VWA8: variants seen among roughly 807,000 people sequenced by gnomAD.
VWA8 encodes the protein von Willebrand factor A domain-containing protein 8.
Under a neutral mutation model 241.5 loss-of-function variants are expected in VWA8, and 221 were observed. That is an observed-to-expected ratio of 0.91 (90% confidence interval 0.82 to 1.02). VWA8 has a LOEUF of 1.02. Among genes scored for constraint, VWA8 ranks in the 50% least tolerant of loss-of-function variants. VWA8 has a pLI of 0.00. For synonymous variants in VWA8, 852 were observed against 827.1 expected (o/e 1.03, Z -0.52); for missense variants, 2,322 against 2,328.7 (o/e 1.00, Z 0.06).
intron 18 of VWA8, among the ~76,000 whole-genome samples, chr13:41,784,761 T>TATATAC (rs1168034186): frequency 1.3e-5 from 1 of 78,510 alleles, no homozygotes. Flanking sequence ...TATATATATA[T>TATATAC]ACACACACAC....
At chr13:41,946,859 G>C (rs1877873277) in intron 2 of VWA8, among the ~76,000 whole-genome samples, 1 of 152,104 alleles carries the variant, frequency 6.6e-6, no homozygotes. Flanking sequence ...GTACTTCCTT[G>C]TAAAATCCAG....
chr13:41,624,782 C>T (rs534620903), intron 37 of VWA8, among the ~76,000 whole-genome samples: 1 of 152,298 alleles, frequency 6.6e-6, no homozygotes, highest in East Asian at 1.9e-4. Context: ...GATGCCCTCT[C>T]ATTACTCCCA....
rs796849369 is a variant in VWA8 at position 41,734,336 on chromosome 13, T to TA, written c.2427-2182dup. ...CTGGGTGACAGAGCGAGACTCCGTC[T>TA]AAAAAAAAACAAATGGTGCATTCTA... On this transcript the variant is annotated intron_variant, in intron 21 of 44. Coordinates refer to ENST00000379310, the MANE Select transcript of VWA8 (RefSeq NM_015058.2). Among the ~76,000 whole-genome samples, 22 of 150,756 alleles carry TA rather than the reference T, an allele frequency of 1.5e-4. No individual in the cohort carries two copies. In the South Asian group the frequency reaches 2.7e-3, roughly 19 times the overall value.
chr13:41,633,961 T>C (rs1469499176), intron 37 of VWA8, among the ~76,000 whole-genome samples: 2 of 152,162 alleles, frequency 1.3e-5, no homozygotes, highest in Admixed American at 6.6e-5. Context: ...TGGCTCCCTC[T>C]TTCTCCCTAT....
chr13:41,856,734 G>A (rs1352668645), intron 12 of VWA8, among the ~76,000 whole-genome samples: 1 of 152,018 alleles, frequency 6.6e-6, no homozygotes. Context: ...TGAGGTGGGA[G>A]GATGGTTTGA....
chr13:41,573,557 T>A (rs918488952), intron 43 of VWA8, among the ~76,000 whole-genome samples: 10 of 144,354 alleles, frequency 6.9e-5, no homozygotes. Flanking sequence ...ATAAAATATA[T>A]ACACGTATAT....
intron 37 of VWA8, among the ~76,000 whole-genome samples, chr13:41,618,902 T>C (rs894657474): frequency 3.9e-5 from 6 of 152,234 alleles, no homozygotes; most frequent in African/African-American, 1.2e-4. Context: ...TGAAGTAAGG[T>C]AGCGTGATGC....
intron 2 of VWA8, among the ~76,000 whole-genome samples, chr13:41,919,572 C>T (rs192568201): frequency 3.6e-4 from 55 of 152,208 alleles, no homozygotes; most frequent in African/African-American, 1.3e-3. Flanking sequence ...TACCTGGTAG[C>T]CCCCAATCCC....
intron 14 of VWA8, among the ~76,000 whole-genome samples, chr13:41,825,854 T>C (rs1022606978): frequency 1.3e-5 from 2 of 152,216 alleles, no homozygotes; most frequent in South Asian, 2.1e-4. Context: ...GTATTAGCTA[T>C]GACCAGCATA....
chr13:41,638,155 C>A (rs1173353380), intron 37 of VWA8, among the ~76,000 whole-genome samples: 1 of 152,200 alleles, frequency 6.6e-6, no homozygotes, highest in African/African-American at 2.4e-5. Context: ...GAGTTGCATG[C>A]AGACATAACC....
chr13:41,706,946 A>T (rs573850396), intron 26 of VWA8, among the ~76,000 whole-genome samples: 1 of 152,346 alleles, frequency 6.6e-6, no homozygotes, highest in Non-Finnish European at 1.5e-5. Flanking sequence ...TTTATCTGCA[A>T]TGTCATTCAT....
rs185670122 is a variant in VWA8 at position 41,930,056 on chromosome 13, T to A, written c.242-17888A>T. Reference sequence around the variant, plus strand: ...TCAATAGTAGAAAAACAACCCAATTTAAAAATGGGCAAAGGATTTGAATTC... The same window carrying A: ...TCAATAGTAGAAAAACAACCCAATTAAAAAATGGGCAAAGGATTTGAATTC... On this transcript the variant is annotated intron_variant, in intron 2 of 44. Transcript: ENST00000379310. 1.4e-3 allele frequency among the ~76,000 whole-genome samples: 207 copies of A among 152,232 alleles called. 1 individual carries two copies. The highest frequency in any genetic ancestry group is 4.9e-3 in the African/African-American group (204 of 41,538).
At chr13:41,744,811 CT>C (rs1679288223) in intron 21 of VWA8, among the ~76,000 whole-genome samples, 1 of 151,878 alleles carries the variant, frequency 6.6e-6, no homozygotes, top group African/African-American at 2.4e-5. Context: ...CTAATACTGA[CT>C]TGTTTAATTT....
intron 1 of VWA8, among the ~76,000 whole-genome samples, chr13:41,960,178 AAGCATGTGATTCT>A (rs1878545127): frequency 6.6e-6 from 1 of 152,242 alleles, no homozygotes; most frequent in Non-Finnish European, 1.5e-5. Flanking sequence ...TTAGAAATCA[AAGCATGTGATTCT>A]AGCATAGTAA....
intron 17 of VWA8, chr13:41,807,731 G>C (rs1168967136): frequency 6.6e-6 from 1 of 152,418 alleles, no homozygotes; most frequent in East Asian, 1.9e-4. Context: ...ACTGAGGCAA[G>C]AGAATGGCTC....
intron 37 of VWA8, among the ~76,000 whole-genome samples, chr13:41,642,760 C>T (rs1228536654): frequency 1.3e-5 from 2 of 150,958 alleles, no homozygotes; most frequent in Non-Finnish European, 2.9e-5. Flanking sequence ...GAAACCCCAT[C>T]TCTACTAAAA....
At chr13:41,590,462 T>C (rs1329457270) in intron 41 of VWA8, among the ~76,000 whole-genome samples, 178 bp downstream of exon 41, 1 of 152,116 alleles carries the variant, frequency 6.6e-6, no homozygotes, top group South Asian at 2.1e-4. Flanking sequence ...GAATAATAAA[T>C]AGTATAATAT....
At chr13:41,858,341 C>G (rs1872850717) in intron 12 of VWA8, among the ~76,000 whole-genome samples, 1 of 152,258 alleles carries the variant, frequency 6.6e-6, no homozygotes, top group East Asian at 1.9e-4. Context: ...AGCAGTGGCT[C>G]AGGCCTGTAA....
intron 1 of VWA8, among the ~76,000 whole-genome samples, chr13:41,957,285 T>C (rs745395103): frequency 1.2e-4 from 19 of 152,100 alleles, no homozygotes; most frequent in Non-Finnish European, 2.6e-4. Flanking sequence ...AAAGGGGAGT[T>C]TCTGTACACA....
Sources: gnomAD v4.1 joint callset for allele counts (sites outside exome capture counted in the v4.1 genomes callset) on GRCh38, gnomAD v4.1.1 for gene constraint, MANE v1.5 for transcripts, NCBI Gene and HGNC (gene_info 2026-07-23, HGNC 2026-07-21) for gene names.